PER1: variants seen among roughly 807,000 people sequenced by gnomAD.
The protein encoded by PER1 is period circadian protein homolog 1.
Under a neutral mutation model 125.9 loss-of-function variants are expected in PER1, and 87 were observed. That is an observed-to-expected ratio of 0.69 (90% CI 0.58 to 0.83). The LOEUF (loss-of-function observed/expected upper bound fraction) is 0.83, where lower values mean the gene tolerates loss of function less well. Among genes scored for constraint, PER1 ranks in the 40% least tolerant of loss-of-function variants. The probability of loss-of-function intolerance (pLI) is 0.00; values close to 1 mark genes in which losing one functional copy is unlikely to be tolerated. For synonymous variants in PER1, 801 were observed against 714.7 expected, an observed-to-expected ratio of 1.12 and a Z score of -1.93; for missense variants, 1,775 against 1,722.8, an observed-to-expected ratio of 1.03 and a Z score of -0.54.
In PER1 at chr17:8,148,751, T is replaced by C. The variant is rs552612674; in HGVS notation, c.941A>G (p.Gln314Arg). The change falls in exon 8 of 23, where the codon CAG becomes CGG. Residue 314 changes from glutamine (Q) to arginine (R), a missense_variant. Gln to Arg is a conservative substitution (Grantham distance 43). Transcript: ENST00000317276. Reference sequence around the variant, plus strand: ...CACATACGGGGTTAGGCGGAATGGCTGGTACCGAGGCCCTGGATCCCGGTC... The same window carrying C: ...CACATACGGGGTTAGGCGGAATGGCCGGTACCGAGGCCCTGGATCCCGGTC... The part of the protein sequence containing the change: ...GPDRDPGPRY[Q>R]PFRLTPYVTK... 42 of 1,613,918 alleles carry C rather than the reference T, an allele frequency of 2.6e-5. No individual in the cohort carries two copies. The South Asian group carries it at 2.7e-4, about 11-fold the overall frequency.
At chr17:8,148,838 C>G (rs553198790) in intron 7 of PER1, 52 bp from the exon 8 acceptor site, 8 of 1,599,954 alleles carry the variant, frequency 5.0e-6, no homozygotes, top group South Asian at 3.3e-5. Context: ...GCCACCCACT[C>G]CTCCAACAAT....
chr17:8,144,349 GCAC>G (rs1317373490), intron 18 of PER1: 2 of 414,698 alleles, frequency 4.8e-6, no homozygotes, highest in African/African-American at 2.1e-5. Flanking sequence ...TCTCCCTCAG[GCAC>G]CTGGAGGGGC....
intron 7 of PER1, 167 bp downstream of exon 7, chr17:8,149,092 G>C: frequency 1.5e-6 from 1 of 682,256 alleles, no homozygotes; most frequent in South Asian, 1.7e-5. Context: ...GGGAGGCTGA[G>C]GCAGGAGAAT....
chr17:8,146,437 G>A lies in PER1; in HGVS notation c.1973C>T (p.Thr658Ile). The A allele has an allele frequency of 6.2e-7, 1 of 1,613,852 alleles. No individual in the cohort carries two copies. The highest frequency in any genetic ancestry group is 8.5e-7 in the Non-Finnish European group (1 of 1,179,892). ...GTCGTCGTCAGAGGCTGAGGAGGTG[G>A]TATAGGAGGAGGAGGAGGCACATTT... is the stretch of plus-strand genomic sequence containing the variant. ...KRKCASSSSY[T>I]TSSASDDDRQ... The change falls in exon 16 of 23, where the codon ACC becomes ATC. Residue 658 changes from threonine (T) to isoleucine (I), a missense_variant. Transcript: ENST00000317276.
At chr17:8,150,927 C>A in intron 1 of PER1, 82 bp from the exon 2 acceptor site, 1 of 510,594 alleles carries the variant, frequency 2.0e-6, no homozygotes, top group Non-Finnish European at 3.4e-6. Flanking sequence ...CAGACCTTCC[C>A]CCTGCCTGGC....
chr17:8,148,965 G>A (rs1408666908), intron 7 of PER1, 179 bp from the exon 8 acceptor site: 2 of 694,794 alleles, frequency 2.9e-6, no homozygotes, highest in Non-Finnish European at 4.8e-6. Context: ...AAGGCAGGCG[G>A]ATCACCTGAG....
At chr17:8,144,221 G>A in intron 18 of PER1, 1 of 400,690 alleles carries the variant, frequency 2.5e-6, no homozygotes, top group Non-Finnish European at 4.5e-6. Flanking sequence ...ACTCCTGTGG[G>A]CACTGCCAGC....
At chr17:8,143,128 T>C (rs1331807990) in intron 19 of PER1, 138 bp downstream of exon 19, 1 of 664,154 alleles carries the variant, frequency 1.5e-6, no homozygotes, top group East Asian at 2.8e-5. Context: ...TCTGCCTCAT[T>C]CAGAAATTCA....
chr17:8,143,431 C>T lies in PER1; in HGVS notation c.2907G>A (p.Pro969=), dbSNP rs141466599. 2.3e-5 allele frequency: 37 copies of T among 1,611,618 alleles called. No homozygotes were observed. The highest frequency in any genetic ancestry group is 5.0e-5 in the Admixed American group (3 of 59,798). ...PALAPSPPHR[P]DSPLFNSRCS... ...ATCTCGAGTTGAACAGTGGAGAGTC[C>T]GGGCGGTGAGGAGGACTCGGGGCGA... The change falls in exon 19 of 23, where the codon CCG becomes CCA. Residue 969 remains proline (P), a synonymous_variant. Coordinates refer to ENST00000317276, the MANE Select transcript of PER1 (RefSeq NM_002616.3).
chr17:8,148,449 T>C (rs144282121), intron 8 of PER1, among the ~76,000 whole-genome samples, 190 bp from the exon 9 acceptor site: 2 of 152,156 alleles, frequency 1.3e-5, no homozygotes, highest in Admixed American at 6.5e-5. Context: ...AGCAAGGCAT[T>C]CTTCTCTGCC....
chr17:8,148,564 T>C, intron 8 of PER1, 80 bp downstream of exon 8: 1 of 1,478,414 alleles, frequency 6.8e-7, no homozygotes, highest in Non-Finnish European at 9.1e-7. Flanking sequence ...GTGTGGTTCA[T>C]GCCTCCCAAA....
rs1460382839 is a variant in PER1, at chr17:8,143,321, C to T, written c.3017G>A (p.Ser1006Asn). 13 of 1,601,052 alleles carry T rather than the reference C, an allele frequency of 8.1e-6. No individual in the cohort carries two copies. The highest frequency in any genetic ancestry group is 1.3e-5 in the African/African-American group (1 of 74,714). Residue 1006 changes from serine to asparagine, a missense_variant, in exon 19 of 23, where the codon AGC (serine) becomes AAC (asparagine). Ser to Asn is a conservative substitution (Grantham distance 46). Transcript: ENST00000317276. ...ACTGGGAGGTGGGGGCCCGGCACTGCTCCCAGGGCCTCCTGCAACAGCAGC... is the reference window on the plus strand; with the variant it reads ...ACTGGGAGGTGGGGGCCCGGCACTGTTCCCAGGGCCTCCTGCAACAGCAGC... ...EGAAVAGGPGSSAGPPPPSAE... is the reference protein window; with the variant it reads ...EGAAVAGGPGNSAGPPPPSAE...
chr17:8,141,019 G>A lies in PER1; in HGVS notation c.*49C>T, dbSNP rs762177991. On this transcript the variant is annotated 3_prime_UTR_variant, in exon 23 of 23. Transcript: ENST00000317276. ...TCTGAGTTCTGAGAATTGGGACATA[G>A]GAGAAGAAAGCCTCTCATGGACTCC... 2 of 1,558,102 alleles carry A rather than the reference G, an allele frequency of 1.3e-6. No individual in the cohort carries two copies. The highest frequency in any genetic ancestry group is 1.7e-6 in the Non-Finnish European group (2 of 1,147,324).
chr17:8,144,619 G>A, intron 18 of PER1, 132 bp downstream of exon 18: 2 of 1,268,404 alleles, frequency 1.6e-6, no homozygotes, highest in Non-Finnish European at 2.2e-6. Flanking sequence ...CCTGTCCCTA[G>A]GCAGGGCCTA....
chr17:8,150,635 G>T lies in PER1; in HGVS notation c.72C>A (p.Gly24=), dbSNP rs749879180. 1 of 1,610,832 alleles carries T rather than the reference G, an allele frequency of 6.2e-7. No homozygotes were observed. ...PRPGESFCPG[G]VPSPGPPQHR... ...GCTGTGGGGGCCCAGGGGATGGGAC[G>T]CCCCCAGGACAAAATGATTCCCCAG... The change falls in exon 2 of 23, where the codon GGC becomes GGA. Residue 24 remains glycine (G), a synonymous_variant. Coordinates refer to ENST00000317276, the MANE Select transcript of PER1 (RefSeq NM_002616.3).
At chr17:8,146,321 G>A (rs1235877933) in intron 16 of PER1, 51 bp downstream of exon 16, 4 of 1,554,194 alleles carry the variant, frequency 2.6e-6, no homozygotes, top group Non-Finnish European at 3.5e-6. Context: ...AAAGACACAG[G>A]GCCACCAGGC....
intron 20 of PER1, 68 bp downstream of exon 20, chr17:8,142,581 C>T (rs1449369159): frequency 6.9e-6 from 11 of 1,583,808 alleles, no homozygotes; most frequent in Admixed American, 3.5e-5. Flanking sequence ...TCCGCCAAGA[C>T]GGGGCCTGGG....
Position 8,150,475 on chromosome 17 carries a change from C to T in PER1, c.232G>A (p.Gly78Ser), listed in dbSNP as rs369344376. 4 of 1,613,978 alleles carry T rather than the reference C, an allele frequency of 2.5e-6. No homozygotes were observed. The highest frequency in any genetic ancestry group is 2.2e-5 in the East Asian group (1 of 44,888). ...GTCTCCAGCAGGGCTGAGTCCTTGCCGTTGCCTGAGGAGGAGCTGTGTGAG... is the reference window on the plus strand; with the variant it reads ...GTCTCCAGCAGGGCTGAGTCCTTGCTGTTGCCTGAGGAGGAGCTGTGTGAG... ...RSSHSSSSGNGKDSALLETTE... is the reference protein window; with the variant it reads ...RSSHSSSSGNSKDSALLETTE... The change falls in exon 2 of 23, where the codon GGC becomes AGC. Residue 78 changes from glycine to serine, a missense_variant. Transcript: ENST00000317276.
intron 17 of PER1, chr17:8,145,209 C>T (rs1982354125): frequency 2.4e-6 from 1 of 408,174 alleles, no homozygotes; most frequent in Non-Finnish European, 4.2e-6. Context: ...AGAGACGATA[C>T]TCAGGCCCCT....
Sources: gnomAD v4.1 joint callset for allele counts (sites outside exome capture counted in the v4.1 genomes callset) on GRCh38, gnomAD v4.1.1 for gene constraint, MANE v1.5 for transcripts, NCBI Gene and HGNC (gene_info 2026-07-23, HGNC 2026-07-21) for gene names.